CSMD3: variants seen among roughly 807,000 people sequenced by gnomAD.
CSMD3 encodes CUB and Sushi multiple domains 3, also known as CUB and sushi domain-containing protein 3.
Under a neutral mutation model 435.2 loss-of-function variants are expected in CSMD3, and 177 were observed. That is an observed-to-expected ratio of 0.41 (90% CI 0.36 to 0.46). The LOEUF (loss-of-function observed/expected upper bound fraction) is 0.46. CSMD3 is among the 20% of genes least tolerant of loss of function. The pLI is 0.34. For synonymous variants in CSMD3, 1,656 were observed against 1,520.5 expected (o/e 1.09, Z -2.07); for missense variants, 4,265 against 4,504.6 (o/e 0.95, Z 1.52).
intron 38 of CSMD3, among the ~76,000 whole-genome samples, chr8:112,372,835 C>A (rs1018687765): frequency 6.7e-6 from 1 of 149,730 alleles, no homozygotes; most frequent in Non-Finnish European, 1.5e-5. Flanking sequence ...GGTGACAGAG[C>A]GAGACTATGT....
chr8:112,663,795 T>G lies in CSMD3; in HGVS notation c.2816+2482A>C, dbSNP rs188024754. Among the ~76,000 whole-genome samples, 862 of 152,254 alleles carry G rather than the reference T, an allele frequency of 5.7e-3. 4 individuals carry two copies. The highest frequency in any genetic ancestry group is 0.019 in the African/African-American group (773 of 41,532). The stretch of plus-strand genomic sequence containing the variant: ...GCAATAATCCTCTTTCATTGTCACC[T>G]GCATTATGGTTTTCATGAGAATGAA... On this transcript the variant is annotated intron_variant, in intron 17 of 70. Coordinates refer to ENST00000297405, the MANE Select transcript of CSMD3 (RefSeq NM_198123.2).
intron 4 of CSMD3, among the ~76,000 whole-genome samples, chr8:113,133,310 A>G (rs2091331992): frequency 6.6e-6 from 1 of 152,158 alleles, no homozygotes; most frequent in Non-Finnish European, 1.5e-5. Context: ...CAAATGAAAA[A>G]ATGCTCAACA....
chr8:113,169,271 T>G (rs1004912312), intron 4 of CSMD3, among the ~76,000 whole-genome samples: 9 of 152,138 alleles, frequency 5.9e-5, no homozygotes, highest in Non-Finnish European at 7.4e-5. Context: ...AGGCAACAGT[T>G]TCCTCATTAG....
At chr8:113,321,659 C>T (rs552728732) in intron 1 of CSMD3, among the ~76,000 whole-genome samples, 14 of 152,260 alleles carry the variant, frequency 9.2e-5, no homozygotes, top group African/African-American at 3.4e-4. Context: ...TCAGTAAGCA[C>T]TTTTTGACTG....
chr8:112,234,218 C>T, intron 68 of CSMD3, 147 bp downstream of exon 68: 1 of 541,384 alleles, frequency 1.8e-6, no homozygotes, highest in Non-Finnish European at 3.2e-6. Context: ...TAGGCTTGTA[C>T]TTTAGAATAC....
chr8:113,383,639 G>A (rs568632611), intron 1 of CSMD3, among the ~76,000 whole-genome samples: 1 of 152,298 alleles, frequency 6.6e-6, no homozygotes, highest in South Asian at 2.1e-4. Context: ...CATCCAGGTA[G>A]TAATATGCAC....
chr8:113,106,934 A>G (rs2090495717), intron 4 of CSMD3, among the ~76,000 whole-genome samples: 1 of 152,114 alleles, frequency 6.6e-6, no homozygotes, highest in African/African-American at 2.4e-5. Context: ...GCCTTTTAGT[A>G]TATTCAGAGT....
chr8:112,815,586 CT>C (rs2079350959), intron 12 of CSMD3, among the ~76,000 whole-genome samples: 2 of 152,174 alleles, frequency 1.3e-5, no homozygotes, highest in South Asian at 4.1e-4. Flanking sequence ...ATTTCTTCTT[CT>C]ACAGCCACCT....
chr8:112,353,270 A>T (rs1826302558), intron 38 of CSMD3, among the ~76,000 whole-genome samples: 1 of 151,976 alleles, frequency 6.6e-6, no homozygotes, highest in African/African-American at 2.4e-5. Flanking sequence ...AGGTGCTGTA[A>T]TCCCAGCTAC....
rs2132670577 is a variant in CSMD3, at chr8:113,314,683, C to T, written c.289G>A (p.Ala97Thr). The T allele has an allele frequency of 4.3e-6, 7 of 1,611,770 alleles. No individual in the cohort carries two copies. Among genetic ancestry groups the T allele is most frequent in the Non-Finnish European group, 5.9e-6 (7 of 1,178,134 alleles). ...ATTTGTATTCTATTTCGTTCTTCTG[C>T]TATTATTACCCATGTGCAGTTTGCA... is the stretch of plus-strand genomic sequence containing the variant. ...NGANCTWVIIAEERNRIQIVF... is the reference protein window; with the variant it reads ...NGANCTWVIITEERNRIQIVF... The change falls in exon 2 of 71, where the codon GCA (alanine) becomes ACA (threonine). Residue 97 changes from alanine to threonine, a missense_variant. Physicochemically the swap from Ala to Thr is moderately conservative, Grantham distance 58. Coordinates refer to ENST00000297405, the MANE Select transcript of CSMD3 (RefSeq NM_198123.2).
At chr8:112,584,314 C>T (rs755099881) in intron 23 of CSMD3, among the ~76,000 whole-genome samples, 34 of 151,416 alleles carry the variant, frequency 2.2e-4, no homozygotes, top group Non-Finnish European at 7.4e-5. Flanking sequence ...ACCTGGGAGG[C>T]GTGCCAGTAA....
chr8:112,519,302 C>T (rs552280537), intron 27 of CSMD3, among the ~76,000 whole-genome samples: 67 of 152,234 alleles, frequency 4.4e-4, no homozygotes, highest in Admixed American at 2.1e-3. Flanking sequence ...GTCTTAACAA[C>T]CTTGTTGTCT....
Position 113,392,983 on chromosome 8 carries a change from A to G in CSMD3, c.178+43694T>C, listed in dbSNP as rs184062953. Among the ~76,000 whole-genome samples the G allele has an allele frequency of 2.8e-3, 429 of 151,476 alleles. 5 individuals carry two copies. Among genetic ancestry groups the G allele is most frequent in the African/African-American group, 9.3e-3 (384 of 41,244 alleles). On this transcript the variant is annotated intron_variant, in intron 1 of 70. Coordinates refer to ENST00000297405, the MANE Select transcript of CSMD3 (RefSeq NM_198123.2). ...TGTGTGTGTGTGTGTGTGTATATACATATGTATATATATATATACACATGT... is the reference window on the plus strand; with the variant it reads ...TGTGTGTGTGTGTGTGTGTATATACGTATGTATATATATATATACACATGT...
At chr8:112,344,089 AG>A (rs1424493736) in intron 41 of CSMD3, among the ~76,000 whole-genome samples, 1 of 151,858 alleles carries the variant, frequency 6.6e-6, no homozygotes, top group Non-Finnish European at 1.5e-5. Context: ...TCACCATGTT[AG>A]CCAGGATGGT....
chr8:113,076,926 C>T (rs964838627), intron 5 of CSMD3, among the ~76,000 whole-genome samples: 2 of 152,058 alleles, frequency 1.3e-5, no homozygotes, highest in African/African-American at 4.8e-5. Context: ...CACTGTTATA[C>T]TATTCCTGAA....
At chr8:113,157,763 G>A (rs1426027372) in intron 4 of CSMD3, among the ~76,000 whole-genome samples, 2 of 152,058 alleles carry the variant, frequency 1.3e-5, no homozygotes, top group Non-Finnish European at 2.9e-5. Context: ...AGCTCTCTCT[G>A]AATACATAAC....
chr8:112,666,537 T>A, intron 16 of CSMD3, 122 bp from the exon 17 acceptor site: 1 of 828,646 alleles, frequency 1.2e-6, no homozygotes, highest in Non-Finnish European at 2.0e-6. Flanking sequence ...TTAATACTAT[T>A]TTTGAAAGCA....
chr8:113,410,091 GATAA>G (rs2094551209), intron 1 of CSMD3, among the ~76,000 whole-genome samples: 2 of 152,068 alleles, frequency 1.3e-5, no homozygotes, highest in African/African-American at 2.4e-5. Context: ...GTCCATGTAT[GATAA>G]ATAAATTATC....
At chr8:113,377,029 G>T in intron 1 of CSMD3, 1 of 1,299,850 alleles carries the variant, frequency 7.7e-7, no homozygotes, top group South Asian at 1.4e-5. Flanking sequence ...GGGGTGGGGT[G>T]GGGGTGGGGC....
Sources: allele counts gnomAD v4.1 joint callset (sites outside exome capture counted in the v4.1 genomes callset), GRCh38; gene constraint gnomAD v4.1.1; transcripts MANE v1.5; gene names NCBI Gene and HGNC (gene_info 2026-07-23, HGNC 2026-07-21).